Variants in TCF3 observed in about 807,000 individuals in gnomAD.
TCF3 encodes transcription factor 3, also known as transcription factor E2-alpha.
In TCF3, 54 loss-of-function variants were observed where a neutral mutation model predicts 72.3. The ratio of observed to expected loss-of-function variants is 0.75; its 90% CI spans 0.60 to 0.94. The LOEUF (loss-of-function observed/expected upper bound fraction) is 0.94, where lower values mean the gene tolerates loss of function less well. TCF3 is among the 40% of genes least tolerant of loss of function. The pLI, the probability that TCF3 is intolerant of heterozygous loss-of-function variation, is 0.00. For synonymous variants in TCF3, 525 were observed against 412.6 expected (o/e 1.27, Z -3.30); for missense variants, 1,078 against 934.4 (o/e 1.15, Z -2.00).
chr19:1,612,322 G>C (rs549947872), intron 18 of TCF3: 1 of 1,613,922 alleles, frequency 6.2e-7, no homozygotes. Flanking sequence ...CCAGCTCCCG[G>C]AAGGCCTCGT....
chr19:1,625,542 G>A, intron 7 of TCF3, 34 bp downstream of exon 7: 1 of 1,532,660 alleles, frequency 6.5e-7, no homozygotes, highest in Non-Finnish European at 8.7e-7. Flanking sequence ...CTCCCTCCCA[G>A]AAGCCCCCGA....
At chr19:1,648,143 C>A (rs1286776585) in intron 2 of TCF3, among the ~76,000 whole-genome samples, 2 of 152,240 alleles carry the variant, frequency 1.3e-5, no homozygotes, top group Non-Finnish European at 2.9e-5. Flanking sequence ...CCTGGGTTAG[C>A]GTTCTCCCTC....
chr19:1,622,569 C>A (rs1374134324), intron 8 of TCF3, among the ~76,000 whole-genome samples, 154 bp from the exon 9 acceptor site: 3 of 152,052 alleles, frequency 2.0e-5, no homozygotes, highest in Non-Finnish European at 4.4e-5. Context: ...AATCCCAGCC[C>A]CTGGCCAAGT....
intron 6 of TCF3, 144 bp downstream of exon 6, chr19:1,627,215 A>AC: frequency 1.4e-5 from 1 of 71,954 alleles, no homozygotes. Flanking sequence ...CACCCAGCCC[A>AC]CCCTGGCCCA....
rs565483515 is a variant in TCF3 at position 1,626,240 on chromosome 19, C to T, written c.367-532G>A. Reference sequence around the variant, plus strand: ...CTGAGGCGGGCGGATCACCTGAGGTCGGGAGTTCAAGACCAGCCTGACCAA... The same window carrying T: ...CTGAGGCGGGCGGATCACCTGAGGTTGGGAGTTCAAGACCAGCCTGACCAA... On this transcript the variant is annotated intron_variant, in intron 6 of 18. Transcript: ENST00000262965. 1.6e-4 allele frequency among the ~76,000 whole-genome samples: 24 copies of T among 152,182 alleles called. No individual in the cohort carries two copies. The South Asian group carries it at 4.6e-3, about 29-fold the overall frequency.
rs1363582350 is a variant in TCF3 at position 1,609,310 on chromosome 19, G to A, written c.*2397C>T. 8 of 187,426 alleles carry A rather than the reference G, an allele frequency of 4.3e-5. No individual in the cohort carries two copies. Among genetic ancestry groups the A allele is most frequent in the Non-Finnish European group, 5.6e-5 (5 of 89,016 alleles). 11.6% of individuals were successfully genotyped at this position (187,426 alleles called of 1,614,324 possible). ...GCAGGGCATCGTTATAAAATGTCAC[G>A]TTTATTGCTACAGTGCTGTTATATA... On this transcript the variant is annotated 3_prime_UTR_variant, in exon 19 of 19. Coordinates refer to ENST00000262965, the MANE Select transcript of TCF3 (RefSeq NM_003200.5).
Position 1,610,013 on chromosome 19 carries a change from C to T in TCF3, c.*1694G>A, listed in dbSNP as rs2060876902. 1 of 232,848 alleles carries T rather than the reference C, an allele frequency of 4.3e-6. No individual in the cohort carries two copies. Among genetic ancestry groups the T allele is most frequent in the Non-Finnish European group, 8.5e-6 (1 of 117,872 alleles). The allele number at this position is 232,848 out of a possible 1,614,324, so 14.4% of individuals were successfully genotyped here. ...GCCCACACCTGGGTGCCACAGTGACCACTGCCCTAGTTCGTGTGGAACTGG... is the reference window on the plus strand; with the variant it reads ...GCCCACACCTGGGTGCCACAGTGACTACTGCCCTAGTTCGTGTGGAACTGG... On this transcript the variant is annotated 3_prime_UTR_variant, in exon 19 of 19. Transcript: ENST00000262965.
At chr19:1,637,866 G>A (rs1005722076) in intron 3 of TCF3, among the ~76,000 whole-genome samples, 3 of 152,024 alleles carry the variant, frequency 2.0e-5, no homozygotes, top group South Asian at 4.2e-4. Context: ...CCGAGATCGT[G>A]CCACTGCACT....
intron 18 of TCF3, among the ~76,000 whole-genome samples, chr19:1,613,595 A>C (rs185454813): frequency 8.2e-4 from 125 of 152,150 alleles, no homozygotes; most frequent in East Asian, 3.5e-3. Context: ...TGGACAGAGG[A>C]GGCCTTGAAG....
At position 1,622,323 on chromosome 19, in the gene TCF3, G is replaced by A. The variant is rs370406329; in HGVS notation, c.642C>T (p.Phe214=). The A allele has an allele frequency of 9.8e-6, 15 of 1,532,828 alleles. No homozygotes were observed. The highest frequency in any genetic ancestry group is 3.5e-6 in the Non-Finnish European group (4 of 1,139,840). 95.0% of individuals were successfully genotyped at this position (1,532,828 alleles called of 1,614,324 possible). The part of the protein sequence containing the change: ...KTPSSTYPAP[F]YVADGSLHPS... Reference sequence around the variant, plus strand: ...CGCCCTGCCATGTACCTGCCACGTAGAAGGGGGCGGGATAGGTGCTGCTGG... The same window carrying A: ...CGCCCTGCCATGTACCTGCCACGTAAAAGGGGGCGGGATAGGTGCTGCTGG... The change falls in exon 9 of 19, where the codon TTC becomes TTT. Residue 214 remains phenylalanine, a synonymous_variant. Coordinates refer to ENST00000262965, the MANE Select transcript of TCF3 (RefSeq NM_003200.5).
rs370625466 is a variant in TCF3 at position 1,621,873 on chromosome 19, T to G, written c.920A>C (p.His307Pro). The G allele has an allele frequency of 6.3e-7, 1 of 1,594,678 alleles. No homozygotes were observed. Among genetic ancestry groups the G allele is most frequent in the Admixed American group, 1.8e-5 (1 of 56,708 alleles). Residue 307 changes from histidine (H) to proline (P), a missense_variant, in exon 11 of 19, where the codon CAC becomes CCC. By Grantham distance (77) the His-to-Pro change is moderately conservative. Coordinates refer to ENST00000262965, the MANE Select transcript of TCF3 (RefSeq NM_003200.5). ...GTCGGCCCCGCTGACAGGCGGCGTG[T>G]GGCTGGAGACGCCGCCGTACGTGGC... is the stretch of plus-strand genomic sequence containing the variant. ...PGATYGGVSS[H>P]TPPVSGADSL...
intron 16 of TCF3, among the ~76,000 whole-genome samples, chr19:1,618,718 G>A (rs1381329038): frequency 6.6e-6 from 1 of 152,108 alleles, no homozygotes; most frequent in Non-Finnish European, 1.5e-5. Context: ...CATCTTCAAA[G>A]CCATACAAAA....
At chr19:1,618,219 C>T (rs534975554) in intron 16 of TCF3, among the ~76,000 whole-genome samples, 1 of 152,266 alleles carries the variant, frequency 6.6e-6, no homozygotes, top group South Asian at 2.1e-4. Flanking sequence ...TGCCTTCTCT[C>T]ACCCTCAAGT....
At chr19:1,648,633 C>T (rs1345730543) in intron 2 of TCF3, among the ~76,000 whole-genome samples, 1 of 152,258 alleles carries the variant, frequency 6.6e-6, no homozygotes. Flanking sequence ...ATGGCCCTTC[C>T]GGAGCCTTGG....
At chr19:1,619,026 C>G in intron 16 of TCF3, 85 bp downstream of exon 16, 5 of 1,583,532 alleles carry the variant, frequency 3.2e-6, no homozygotes, top group Non-Finnish European at 3.4e-6. Context: ...CTGCCCTGGG[C>G]TCCCACCCTG....
In TCF3 at chr19:1,619,111, C is replaced by G. The variant is rs749976461; in HGVS notation, c.1450G>C (p.Gly484Arg). ...GACAGTCCCAAGCTCAAGGGCTTAC[C>G]ACTGTAGGAGTCGGGAGGCCGAGAC... ...DLSRPPDSYS[G>R]LGRAGATAAA... The change falls in exon 16 of 19, where the codon GGG becomes CGG. Residue 484 changes from glycine (G) to arginine (R), a missense_variant and splice_region_variant. Physicochemically the swap from Gly to Arg is moderately radical, Grantham distance 125 (BLOSUM62 -2). Transcript: ENST00000262965. 6.9e-6 allele frequency: 11 copies of G among 1,599,284 alleles called. No homozygotes were observed. Among genetic ancestry groups the G allele is most frequent in the Non-Finnish European group, 9.3e-6 (11 of 1,179,704 alleles).
Position 1,642,411 on chromosome 19 carries a change from C to CG in TCF3, c.145+3943dup, listed in dbSNP as rs1274680667. ...GCTTCCTAGGTCTGACGCAGCACCA[C>CG]GGGTGGGCGGGACGGTACCCCTGGG... On this transcript the variant is annotated intron_variant, in intron 3 of 18. Transcript: ENST00000262965. Among the ~76,000 whole-genome samples the CG allele has an allele frequency of 1.2e-4, 18 of 152,280 alleles. No homozygotes were observed. The East Asian group carries it at 2.7e-3, about 23-fold the overall frequency.
At chr19:1,632,293 C>G in intron 4 of TCF3, 39 bp downstream of exon 4, 1 of 1,561,680 alleles carries the variant, frequency 6.4e-7, no homozygotes, top group Non-Finnish European at 8.7e-7. Context: ...ACTCTGGGGA[C>G]AGGAAACTCA....
chr19:1,646,063 C>T (rs1211966665), intron 3 of TCF3, among the ~76,000 whole-genome samples: 1 of 152,108 alleles, frequency 6.6e-6, no homozygotes, highest in Admixed American at 6.6e-5. Context: ...ACAGGCCCAG[C>T]TCCAACCCTG....
Sources: allele counts gnomAD v4.1 joint callset (sites outside exome capture counted in the v4.1 genomes callset), GRCh38; gene constraint gnomAD v4.1.1; transcripts MANE v1.5; gene names NCBI Gene and HGNC (gene_info 2026-07-23, HGNC 2026-07-21).